RTN4: variants seen among roughly 807,000 people sequenced by gnomAD.
RTN4 encodes reticulon-4.
In RTN4, 32 loss-of-function variants were observed where a neutral mutation model predicts 90.4. The ratio of observed to expected loss-of-function variants is 0.35; its 90% CI spans 0.27 to 0.48. The LOEUF (loss-of-function observed/expected upper bound fraction) is 0.48. RTN4 is among the 20% of genes least tolerant of loss of function. The pLI is 0.99. For missense variants in RTN4, 1,706 were observed against 1,430.2 expected (o/e 1.19, Z -3.11); for synonymous variants, 629 against 552.5 (o/e 1.14, Z -1.94).
chr2:55,076,952 T>C (rs1218540428), intron 2 of RTN4, among the ~76,000 whole-genome samples: 1 of 151,960 alleles, frequency 6.6e-6, no homozygotes, highest in Non-Finnish European at 1.5e-5. Flanking sequence ...TTCCTAGCCA[T>C]GCAGAACTGT....
At chr2:55,037,727 T>C (rs1366342106) in intron 1 of RTN4, among the ~76,000 whole-genome samples, 1 of 152,188 alleles carries the variant, frequency 6.6e-6, no homozygotes, top group African/African-American at 2.4e-5. Flanking sequence ...TTATCCCCCC[T>C]ACTAATCTCT....
At chr2:55,133,004 G>C in the RTN4 span, among the ~76,000 whole-genome samples, 5 of 151,850 alleles carry the variant, frequency 3.3e-5, no homozygotes, top group African/African-American at 1.2e-4. Context: ...TTGAAGCCAG[G>C]AGTTCAAGAT....
chr2:54,974,902 T>A, intron 5 of RTN4, 138 bp from the exon 6 acceptor site: 2 of 648,946 alleles, frequency 3.1e-6, no homozygotes, highest in Non-Finnish European at 5.5e-6. Context: ...CCATGAGCAG[T>A]TCACTATTAA....
At chr2:55,075,236 T>C (rs1668579783) in intron 2 of RTN4, among the ~76,000 whole-genome samples, 1 of 152,314 alleles carries the variant, frequency 6.6e-6, no homozygotes, top group African/African-American at 2.4e-5. Context: ...AGTTTCAGGA[T>C]ACAAAATTAA....
At chr2:54,973,451 C>CTT in intron 8 of RTN4, 112 bp downstream of exon 8, 3 of 893,840 alleles carry the variant, frequency 3.4e-6, no homozygotes, top group Non-Finnish European at 5.4e-6. Flanking sequence ...TGAAGTCACA[C>CTT]TTAAGGTCTG....
chr2:55,101,359 T>TTATC (rs1667849966), intron 1 of RTN4, among the ~76,000 whole-genome samples: 1 of 152,112 alleles, frequency 6.6e-6, no homozygotes, highest in Admixed American at 6.6e-5. Flanking sequence ...AAATAATACA[T>TTATC]TATCCATTGT....
chr2:55,096,185 G>A (rs1669030467), intron 1 of RTN4, among the ~76,000 whole-genome samples: 1 of 152,074 alleles, frequency 6.6e-6, no homozygotes, highest in African/African-American at 2.4e-5. Context: ...AATTAGCTGG[G>A]CGTGGTGGCG....
rs367572909 is a variant in RTN4, at chr2:55,049,830, G to C, written c.471C>G (p.Pro157=). ...GAGCCGGGGCTGGCGGGGTCCACAC[G>C]GGCTCTGCCTGGGGGCTCACGCTGG... The part of the protein sequence containing the change: ...PPASVSPQAE[P]VWTPPAPAPA... The change falls in exon 1 of 9, where the codon CCC becomes CCG. Residue 157 remains proline, a synonymous_variant. Coordinates refer to ENST00000337526, the MANE Select transcript of RTN4 (RefSeq NM_020532.5). 21 of 1,307,178 alleles carry C rather than the reference G, an allele frequency of 1.6e-5. No individual in the cohort carries two copies. The highest frequency in any genetic ancestry group is 9.4e-5 in the East Asian group (3 of 31,920). 81.0% of individuals were successfully genotyped at this position (1,307,178 alleles called of 1,614,324 possible). A position where few individuals can be genotyped will look rare whatever the true frequency, so the allele number is the denominator to read the frequency against.
chr2:55,061,564 A>G (rs1383468096), intron 2 of RTN4, among the ~76,000 whole-genome samples: 2 of 152,212 alleles, frequency 1.3e-5, no homozygotes, highest in African/African-American at 4.8e-5. Flanking sequence ...GAAATATATC[A>G]GTCCCTTTAT....
chr2:55,062,127 C>G (rs7592869), intron 2 of RTN4, among the ~76,000 whole-genome samples: 19,821 of 152,064 alleles, frequency 0.13, 1,967 homozygotes, highest in African/African-American at 0.27. Flanking sequence ...GTCGGGCCGC[C>G]AAGCAGCCCG....
At chr2:55,076,096 A>T (rs978587638) in intron 2 of RTN4, among the ~76,000 whole-genome samples, 19 of 152,204 alleles carry the variant, frequency 1.2e-4, no homozygotes, top group Admixed American at 2.0e-4. Flanking sequence ...AATTAAATTT[A>T]AAAAAGCTCC....
At chr2:55,053,657 G>T (rs755527997), upstream of RTN4, among the ~76,000 whole-genome samples, 1 of 149,642 alleles carries the variant, frequency 6.7e-6, no homozygotes, top group Non-Finnish European at 1.5e-5. Context: ...TTGCACTACA[G>T]CCTGGGTGAA....
chr2:55,123,031 A>C, the RTN4 span, among the ~76,000 whole-genome samples: 1 of 152,270 alleles, frequency 6.6e-6, no homozygotes, highest in Non-Finnish European at 1.5e-5. Flanking sequence ...CAGCACTGCA[A>C]ATCCAATATC....
intron 1 of RTN4, among the ~76,000 whole-genome samples, chr2:55,090,757 C>T (rs968985174): frequency 1.3e-5 from 2 of 152,180 alleles, no homozygotes; most frequent in African/African-American, 4.8e-5. Flanking sequence ...TAATAAGTAA[C>T]TCCCATTTAA....
the RTN4 span, among the ~76,000 whole-genome samples, chr2:55,121,395 C>T: frequency 1.3e-5 from 2 of 152,228 alleles, no homozygotes; most frequent in African/African-American, 4.8e-5. Flanking sequence ...CTAAGAGATA[C>T]TGTGAAGTTT....
upstream of RTN4, among the ~76,000 whole-genome samples, chr2:55,053,296 C>G (rs1050849709): frequency 6.6e-6 from 1 of 152,128 alleles, no homozygotes; most frequent in Admixed American, 6.5e-5. Flanking sequence ...CTATCACTAA[C>G]AAAATTCTGG....
intron 1 of RTN4, among the ~76,000 whole-genome samples, chr2:55,045,290 C>G (rs757785478): frequency 2.7e-4 from 41 of 152,152 alleles, no homozygotes; most frequent in Middle Eastern, 3.4e-3. Context: ...TCATGGTTTC[C>G]AAGTCCTATC....
Position 55,025,254 on chromosome 2 carries a change from G to A in RTN4, c.2845C>T (p.Leu949Phe), listed in dbSNP as rs748279978. The A allele has an allele frequency of 2.2e-5, 36 of 1,613,740 alleles. No individual in the cohort carries two copies. Among genetic ancestry groups the A allele is most frequent in the Non-Finnish European group, 3.0e-5 (35 of 1,179,866 alleles). Residue 949 changes from leucine to phenylalanine, a missense_variant, in exon 3 of 9, where the codon CTC (leucine) becomes TTC (phenylalanine). Leu to Phe is a conservative substitution (Grantham distance 22, BLOSUM62 0). Transcript: ENST00000337526. ...GCAGAAACATCTGGAGGCAATAAGA[G>A]CACCTTTGATGTAGCAGACCCATTT... is the stretch of plus-strand genomic sequence containing the variant. ...SKNGSATSKVLLLPPDVSALA... is the reference protein window; with the variant it reads ...SKNGSATSKVFLLPPDVSALA...
At position 55,029,759 on chromosome 2, in the gene RTN4, G is replaced by T. The variant is rs986640757; in HGVS notation, c.557-1539C>A. On this transcript the variant is annotated intron_variant, in intron 1 of 8. Coordinates refer to ENST00000337526, the MANE Select transcript of RTN4 (RefSeq NM_020532.5). ...AAATTTATGATGTGTGTTTAAAAGG[G>T]TTTCCTCCAACCTAGAGCACTAGGT... Among the ~76,000 whole-genome samples, 15 of 152,210 alleles carry T rather than the reference G, an allele frequency of 9.9e-5. No homozygotes were observed. The East Asian group carries it at 2.7e-3, about 27-fold the overall frequency.
Sources: gnomAD v4.1 joint callset for allele counts (sites outside exome capture counted in the v4.1 genomes callset) on GRCh38, gnomAD v4.1.1 for gene constraint, MANE v1.5 for transcripts, NCBI Gene and HGNC (gene_info 2026-07-23, HGNC 2026-07-21) for gene names.